The following MYO18B variants were observed in gnomAD, a reference collection of about 807,000 sequenced individuals.
The protein encoded by MYO18B is unconventional myosin-XVIIIb.
Under a neutral mutation model 273.0 loss-of-function variants are expected in MYO18B, and 204 were observed. That is an observed-to-expected ratio of 0.75 (90% confidence interval 0.67 to 0.84). The LOEUF is 0.84. MYO18B is among the 40% of genes least tolerant of loss of function. The pLI is 0.00. For synonymous variants in MYO18B, 1,330 were observed against 1,305.7 expected (o/e 1.02, Z -0.40); for missense variants, 3,212 against 3,287.6 (o/e 0.98, Z 0.56).
chr22:26,042,514 A>G, the MYO18B span, among the ~76,000 whole-genome samples: 2 of 152,176 alleles, frequency 1.3e-5, no homozygotes, highest in Non-Finnish European at 2.9e-5. Context: ...AAGGCAAACA[A>G]TTTCATAGAG....
chr22:26,002,741 C>G (rs1310213460), intron 40 of MYO18B, among the ~76,000 whole-genome samples: 1 of 152,056 alleles, frequency 6.6e-6, no homozygotes, highest in Non-Finnish European at 1.5e-5. Context: ...AATGGAGACA[C>G]ATGGGGTAGG....
intron 5 of MYO18B, 61 bp downstream of exon 5, chr22:25,770,237 G>T: frequency 6.6e-7 from 1 of 1,523,880 alleles, no homozygotes; most frequent in Non-Finnish European, 9.1e-7. Context: ...CCCTACTGCT[G>T]CCAGCCATAT....
chr22:25,848,596 G>C (rs1023827185), intron 20 of MYO18B, among the ~76,000 whole-genome samples: 7 of 152,198 alleles, frequency 4.6e-5, no homozygotes, highest in African/African-American at 1.7e-4. Flanking sequence ...CTGGCAGGGG[G>C]ATGGGGGGAT....
intron 40 of MYO18B, among the ~76,000 whole-genome samples, chr22:26,002,387 G>T (rs1305830000): frequency 6.6e-6 from 1 of 152,288 alleles, no homozygotes; most frequent in South Asian, 2.1e-4. Flanking sequence ...ACTTGTTCTT[G>T]GTCCAGAAGG....
At chr22:25,838,326 G>T (rs1414522243) in intron 17 of MYO18B, among the ~76,000 whole-genome samples, 1 of 152,036 alleles carries the variant, frequency 6.6e-6, no homozygotes, top group Non-Finnish European at 1.5e-5. Flanking sequence ...AGCTTCCCAA[G>T]TAGCTGGGAT....
the MYO18B span, among the ~76,000 whole-genome samples, chr22:26,061,823 T>G: frequency 2.0e-5 from 3 of 152,160 alleles, no homozygotes; most frequent in Non-Finnish European, 2.9e-5. Context: ...GCTTTGATGC[T>G]GTCAACATTT....
chr22:25,983,413 T>C (rs2093169501), intron 39 of MYO18B: 1 of 152,202 alleles, frequency 6.6e-6, no homozygotes. Flanking sequence ...TTACAACTTT[T>C]TCCTCAAAAT....
chr22:25,850,779 G>A (rs774204280), intron 20 of MYO18B, among the ~76,000 whole-genome samples: 8 of 152,086 alleles, frequency 5.3e-5, no homozygotes, highest in Non-Finnish European at 1.0e-4. Context: ...GCCTTGGAAT[G>A]TATCTTATAC....
At chr22:25,798,131 C>T (rs1188250780) in intron 12 of MYO18B, 34 bp downstream of exon 12, 3 of 1,568,720 alleles carry the variant, frequency 1.9e-6, no homozygotes, top group Admixed American at 3.6e-5. Flanking sequence ...CCTGGGAGGG[C>T]AGCTGTCTCC....
At chr22:25,775,707 TC>T (rs1646369115) in intron 7 of MYO18B, among the ~76,000 whole-genome samples, 1 of 152,136 alleles carries the variant, frequency 6.6e-6, no homozygotes, top group African/African-American at 2.4e-5. Context: ...CAGTCAGTCT[TC>T]CTTGTGGTCT....
At chr22:25,834,104 C>A (rs1288469944) in intron 16 of MYO18B, among the ~76,000 whole-genome samples, 1 of 151,614 alleles carries the variant, frequency 6.6e-6, no homozygotes, top group Admixed American at 6.6e-5. Context: ...GCGGGGTAGT[C>A]TCCAGGGCCT....
chr22:25,822,655 G>A lies in MYO18B; in HGVS notation c.2522-850G>A, dbSNP rs139506846. On this transcript the variant is annotated intron_variant, in intron 12 of 43. Transcript: ENST00000335473. Reference sequence around the variant, plus strand: ...GACGAGTCACAGACAAAACTCCTCAGACACCGGATTAAAGAAGGAAGAGGT... The same window carrying A: ...GACGAGTCACAGACAAAACTCCTCAAACACCGGATTAAAGAAGGAAGAGGT... Among the ~76,000 whole-genome samples the A allele has an allele frequency of 1.7e-3, 265 of 152,320 alleles. 7 individuals are homozygous for A. The East Asian group carries it at 0.049, about 28-fold the overall frequency.
intron 12 of MYO18B, among the ~76,000 whole-genome samples, chr22:25,809,998 T>C (rs774558555): frequency 3.6e-5 from 5 of 139,974 alleles, no homozygotes; most frequent in Non-Finnish European, 7.8e-5. Context: ...ATAGAAAGTT[T>C]AAAAAAAAAA....
Position 25,832,967 on chromosome 22 carries a change from C to T in MYO18B, c.3030C>T (p.Thr1010=), listed in dbSNP as rs1395401513. The T allele has an allele frequency of 8.7e-6, 14 of 1,613,872 alleles. No individual in the cohort carries two copies. The highest frequency in any genetic ancestry group is 7.7e-5 in the South Asian group (7 of 91,064). The change falls in exon 16 of 44, where the codon ACC becomes ACT. Residue 1010 remains threonine, a synonymous_variant. Coordinates refer to ENST00000335473, the MANE Select transcript of MYO18B (RefSeq NM_032608.7). Reference sequence around the variant, plus strand: ...TCCCGGACCCCTCCCCAGGGACCACCGTGGCTGTTGTGGATCAAAATCCCT... The same window carrying T: ...TCCCGGACCCCTCCCCAGGGACCACTGTGGCTGTTGTGGATCAAAATCCCT... ...FDLPDPSPGT[T]VAVVDQNPSQ...
At chr22:25,972,351 A>G (rs939866113) in intron 39 of MYO18B, among the ~76,000 whole-genome samples, 2 of 152,080 alleles carry the variant, frequency 1.3e-5, no homozygotes, top group African/African-American at 4.8e-5. Context: ...GCTTGTATTT[A>G]CTTGTTATTA....
At chr22:25,798,937 T>A (rs1175350867) in intron 12 of MYO18B, among the ~76,000 whole-genome samples, 4 of 152,062 alleles carry the variant, frequency 2.6e-5, no homozygotes, top group Admixed American at 2.6e-4. Flanking sequence ...TCTTGTATCC[T>A]TGTCCCCATC....
At chr22:26,031,141 C>CTTTT, downstream of MYO18B, 1 of 390,046 alleles carries the variant, frequency 2.6e-6, no homozygotes, top group Non-Finnish European at 4.5e-6. Flanking sequence ...CAAGGCGAAG[C>CTTTT]TAGCATATGT....
At chr22:25,754,139 TGGA>T (rs1417426587) in intron 1 of MYO18B, among the ~76,000 whole-genome samples, 2 of 152,186 alleles carry the variant, frequency 1.3e-5, no homozygotes, top group African/African-American at 4.8e-5. Context: ...GGGGCTGCTC[TGGA>T]GGAGGAGTAG....
intron 21 of MYO18B, among the ~76,000 whole-genome samples, chr22:25,863,225 A>G (rs2146114617): frequency 6.6e-6 from 1 of 152,230 alleles, no homozygotes; most frequent in Non-Finnish European, 1.5e-5. Context: ...TTATTATTAC[A>G]CTGTCCTTTA....
Sources: allele counts gnomAD v4.1 joint callset (sites outside exome capture counted in the v4.1 genomes callset), GRCh38; gene constraint gnomAD v4.1.1; transcripts MANE v1.5; gene names NCBI Gene and HGNC (gene_info 2026-07-23, HGNC 2026-07-21).